The following CDH8 variants were observed in gnomAD, a reference collection of about 807,000 sequenced individuals.
The protein encoded by CDH8 is cadherin 8.
A neutral mutation model predicts 68.1 loss-of-function variants in CDH8; 17 were observed. The ratio of observed to expected loss-of-function variants is 0.25; its 90% CI spans 0.17 to 0.37. CDH8 has a LOEUF of 0.37. Among genes scored for constraint, CDH8 ranks in the 10% least tolerant of loss-of-function variants. The probability of loss-of-function intolerance (pLI) is 1.00; values close to 1 mark genes in which losing one functional copy is unlikely to be tolerated. For missense variants in CDH8, 763 were observed against 999.3 expected, an observed-to-expected ratio of 0.76 and a Z score of 3.19; for synonymous variants, 372 against 365.1, an observed-to-expected ratio of 1.02 and a Z score of -0.21.
At chr16:61,927,842 A>T (rs1964479287) in intron 2 of CDH8, among the ~76,000 whole-genome samples, 1 of 152,232 alleles carries the variant, frequency 6.6e-6, no homozygotes, top group Non-Finnish European at 1.5e-5. Context: ...TTTGTTGAAG[A>T]TATTGTTTAA....
chr16:61,788,236 C>CT (rs927319093), intron 8 of CDH8, among the ~76,000 whole-genome samples: 10 of 152,066 alleles, frequency 6.6e-5, no homozygotes, highest in African/African-American at 2.2e-4. Context: ...CTGGATTACT[C>CT]TTTTTTAAAT....
At chr16:61,942,508 A>G (rs565819241) in intron 2 of CDH8, among the ~76,000 whole-genome samples, 123 of 152,234 alleles carry the variant, frequency 8.1e-4, no homozygotes, top group African/African-American at 2.9e-3. Context: ...CCTCTAAAAC[A>G]AAACAAAACA....
At chr16:61,825,784 A>G (rs1476377846) in intron 4 of CDH8, among the ~76,000 whole-genome samples, 1 of 151,884 alleles carries the variant, frequency 6.6e-6, no homozygotes, top group Non-Finnish European at 1.5e-5. Flanking sequence ...TCTCTTTGTA[A>G]AAGTAGCAAA....
intron 7 of CDH8, among the ~76,000 whole-genome samples, chr16:61,807,869 T>C (rs116762321): frequency 0.011 from 1,664 of 152,358 alleles, 37 homozygotes; most frequent in African/African-American, 0.039. Context: ...CTGTCCATCA[T>C]GCTCTTGCTC....
rs1964345294 is a variant in CDH8, at chr16:61,697,284, G to T, written c.1654+16557C>A. On this transcript the variant is annotated intron_variant, in intron 10 of 11. Coordinates refer to ENST00000577390, the MANE Select transcript of CDH8 (RefSeq NM_001796.5). ...TCATTCTTTCCAGGGCCAGCATCTTGTACAGGAAACACTCACACAACTGTA... is the reference window on the plus strand; with the variant it reads ...TCATTCTTTCCAGGGCCAGCATCTTTTACAGGAAACACTCACACAACTGTA... Among the ~76,000 whole-genome samples the T allele has an allele frequency of 2.6e-5, 4 of 151,964 alleles. No homozygotes were observed. The South Asian group carries it at 8.3e-4, about 32-fold the overall frequency.
intron 10 of CDH8, among the ~76,000 whole-genome samples, chr16:61,700,788 A>G: frequency 6.6e-6 from 1 of 152,192 alleles, no homozygotes; most frequent in Admixed American, 6.5e-5. Context: ...AGAAAAGTAC[A>G]CCTAGATAGC....
chr16:61,746,976 G>C (rs542712877), intron 8 of CDH8, among the ~76,000 whole-genome samples: 1 of 152,086 alleles, frequency 6.6e-6, no homozygotes, highest in African/African-American at 2.4e-5. Flanking sequence ...TGGCTGAAAT[G>C]ATTATAGTAC....
intron 2 of CDH8, among the ~76,000 whole-genome samples, chr16:61,905,384 CATTAATAT>C (rs1337914293): frequency 1.3e-5 from 2 of 151,570 alleles, no homozygotes; most frequent in Non-Finnish European, 2.9e-5. Context: ...GAAATAGAGC[CATTAATAT>C]ATTAATATTT....
chr16:61,738,632 A>G (rs148621624), intron 8 of CDH8, among the ~76,000 whole-genome samples: 1 of 152,190 alleles, frequency 6.6e-6, no homozygotes, highest in Non-Finnish European at 1.5e-5. Context: ...CATGAGAGAC[A>G]GTTTATAAAA....
intron 2 of CDH8, among the ~76,000 whole-genome samples, chr16:61,964,199 A>G (rs1029532663): frequency 1.1e-4 from 17 of 152,236 alleles, no homozygotes; most frequent in Non-Finnish European, 1.9e-4. Context: ...TGTATTAAAC[A>G]CTGAAATAAT....
At chr16:61,853,929 AGTT>A (rs993351608) in intron 4 of CDH8, among the ~76,000 whole-genome samples, 25 of 152,126 alleles carry the variant, frequency 1.6e-4, no homozygotes, top group African/African-American at 5.3e-4. Context: ...TAGAATTAAA[AGTT>A]GTTTTCTTCA....
At chr16:61,966,949 A>G (rs1011359978) in intron 2 of CDH8, among the ~76,000 whole-genome samples, 4 of 152,198 alleles carry the variant, frequency 2.6e-5, no homozygotes, top group Non-Finnish European at 4.4e-5. Context: ...TCACACCTGT[A>G]ATCCCAACAC....
intron 7 of CDH8, among the ~76,000 whole-genome samples, chr16:61,795,227 T>C (rs1002183043): frequency 2.0e-5 from 3 of 152,094 alleles, no homozygotes; most frequent in African/African-American, 7.2e-5. Flanking sequence ...ATGACTTAAA[T>C]TTCAGAATTC....
chr16:61,719,157 T>A (rs1334540847), intron 9 of CDH8, among the ~76,000 whole-genome samples: 1 of 149,988 alleles, frequency 6.7e-6, no homozygotes. Flanking sequence ...TGAAACATCC[T>A]TGCCTTAAAG....
In CDH8 at chr16:62,029,657, C is replaced by A. The variant is rs535449631; in HGVS notation, c.-200+6423G>T. Reference sequence around the variant, plus strand: ...TATTCTCTTTCAATCAAACTGTAGCCGCTCATTAAAAAACATTGCCTGGTA... The same window carrying A: ...TATTCTCTTTCAATCAAACTGTAGCAGCTCATTAAAAAACATTGCCTGGTA... On this transcript the variant is annotated intron_variant, in intron 1 of 11. Coordinates refer to ENST00000577390, the MANE Select transcript of CDH8 (RefSeq NM_001796.5). Among the ~76,000 whole-genome samples, 25 of 152,236 alleles carry A rather than the reference C, an allele frequency of 1.6e-4. No homozygotes were observed. The South Asian group carries it at 5.2e-3, about 32-fold the overall frequency.
In CDH8 at chr16:61,668,128, ATACTC is replaced by A. The variant is rs563839232; in HGVS notation, c.1655-12412_1655-12408del. ...TTTGATTAAAAATATATCCAACACT[ATACTC>A]TATAGATCTAAATTCCATACTTTGA... On this transcript the variant is annotated intron_variant, in intron 10 of 11. Transcript: ENST00000577390. 4.7e-4 allele frequency among the ~76,000 whole-genome samples: 72 copies of A among 152,090 alleles called. 1 individual carries two copies. The South Asian group carries it at 0.014, about 30-fold the overall frequency.
intron 10 of CDH8, among the ~76,000 whole-genome samples, chr16:61,672,524 A>G (rs1319413310): frequency 6.6e-6 from 1 of 152,086 alleles, no homozygotes; most frequent in Non-Finnish European, 1.5e-5. Context: ...TTGTTATTCC[A>G]CCTAAAGTGT....
chr16:61,986,221 G>A (rs1965625312), intron 2 of CDH8, among the ~76,000 whole-genome samples: 1 of 152,092 alleles, frequency 6.6e-6, no homozygotes, highest in African/African-American at 2.4e-5. Flanking sequence ...ACCACACCTG[G>A]CCAAATATCT....
At chr16:61,730,041 C>T (rs1337362896) in intron 8 of CDH8, among the ~76,000 whole-genome samples, 2 of 151,130 alleles carry the variant, frequency 1.3e-5, no homozygotes, top group African/African-American at 2.4e-5. Flanking sequence ...GGCAAACATG[C>T]ATATACACAT....
Sources: allele counts gnomAD v4.1 joint callset (sites outside exome capture counted in the v4.1 genomes callset), GRCh38; gene constraint gnomAD v4.1.1; transcripts MANE v1.5; gene names NCBI Gene and HGNC (gene_info 2026-07-23, HGNC 2026-07-21).